JPH2: variants seen among roughly 807,000 people sequenced by gnomAD.
JPH2 encodes the protein junctophilin 2.
In JPH2, 38 loss-of-function variants were observed where a neutral mutation model predicts 55.9. That is an observed-to-expected ratio of 0.68 (90% confidence interval 0.52 to 0.89). JPH2 has a LOEUF of 0.89. Among genes scored for constraint, JPH2 ranks in the 40% least tolerant of loss-of-function variants. JPH2 has a pLI of 0.00. For synonymous variants in JPH2, 480 were observed against 472.4 expected, an observed-to-expected ratio of 1.02 and a Z score of -0.21; for missense variants, 964 against 1,037.6, an observed-to-expected ratio of 0.93 and a Z score of 0.97.
chr20:44,131,633 G>T (rs972191999), intron 2 of JPH2, among the ~76,000 whole-genome samples: 3 of 152,176 alleles, frequency 2.0e-5, no homozygotes, highest in Middle Eastern at 3.2e-3. Flanking sequence ...CGAAGGGTTA[G>T]CTGTTCCTGC....
rs796524844 is a variant in JPH2 at position 44,126,188 on chromosome 20, A to AAGGAAGGG, written c.1170-7566_1170-7565insCCCTTCCT. ...GGAGGGAGGAAGGAAGGAAGGAAGG[A>AAGGAAGGG]AGGGAGGAAGGAAGGAAGAAGGGGG... On this transcript the variant is annotated intron_variant, in intron 2 of 5. Coordinates refer to ENST00000372980, the MANE Select transcript of JPH2 (RefSeq NM_020433.5). 2.8e-3 allele frequency among the ~76,000 whole-genome samples: 271 copies of AAGGAAGGG among 95,722 alleles called. 2 individuals are homozygous for AAGGAAGGG. The highest frequency in any genetic ancestry group is 0.01 in the African/African-American group (254 of 24,722). The allele number at this position is 95,722 out of a possible 152,430, so 62.8% of individuals were successfully genotyped here.
chr20:44,173,778 G>T (rs57397839), intron 1 of JPH2, among the ~76,000 whole-genome samples: 1 of 152,134 alleles, frequency 6.6e-6, no homozygotes, highest in South Asian at 2.1e-4. Flanking sequence ...GCCTGGCGTG[G>T]TGGCGCATGC....
Position 44,107,267 on chromosome 20 carries a change from C to T in JPH2, c.*6251G>A, listed in dbSNP as rs11696553. Among the ~76,000 whole-genome samples, 10,516 of 152,188 alleles carry T rather than the reference C, an allele frequency of 0.069. 540 individuals are homozygous for T. Among genetic ancestry groups the T allele is most frequent in the African/African-American group, 0.15 (6,039 of 41,478 alleles). On this transcript the variant is annotated 3_prime_UTR_variant, in exon 6 of 6. Coordinates refer to ENST00000372980, the MANE Select transcript of JPH2 (RefSeq NM_020433.5). ...CATATCCATTTCCTCAATAAGCACT[C>T]ACTGAATGTCTACTCTGCCCCGAGA...
At chr20:44,185,124 C>T (rs1260877562) in intron 1 of JPH2, among the ~76,000 whole-genome samples, 1 of 151,814 alleles carries the variant, frequency 6.6e-6, no homozygotes, top group African/African-American at 2.4e-5. Flanking sequence ...CATAGTAAGA[C>T]CCCATCTCTA....
At chr20:44,166,937 A>C (rs938410567) in intron 1 of JPH2, among the ~76,000 whole-genome samples, 27 of 152,176 alleles carry the variant, frequency 1.8e-4, no homozygotes, top group Non-Finnish European at 5.9e-5. Context: ...AAAACCTGGC[A>C]GGGGCCGCCC....
chr20:44,185,963 T>C (rs943838037), intron 1 of JPH2, among the ~76,000 whole-genome samples: 2 of 152,166 alleles, frequency 1.3e-5, no homozygotes, highest in Admixed American at 6.5e-5. Flanking sequence ...ATAATTTTCA[T>C]GGCAAAGTTA....
At position 44,184,789 on chromosome 20, in the gene JPH2, G is replaced by A. The variant is rs531671165; in HGVS notation, c.379+1538C>T. Among the ~76,000 whole-genome samples the A allele has an allele frequency of 1.2e-4, 19 of 152,192 alleles. 1 individual carries two copies. In the South Asian group the frequency reaches 3.5e-3, roughly 28 times the overall value. ...CTGCCCCATGCCCACCCTCACAAAC[G>A]TAACTGTCCTGTCGAGACCAAGCTC... On this transcript the variant is annotated intron_variant, in intron 1 of 5. Transcript: ENST00000372980.
At chr20:44,144,678 T>C (rs999480669) in intron 2 of JPH2, among the ~76,000 whole-genome samples, 2 of 152,200 alleles carry the variant, frequency 1.3e-5, no homozygotes, top group African/African-American at 2.4e-5. Flanking sequence ...TGGTGGAGTC[T>C]GGCTCAGAGA....
At chr20:44,125,452 G>A (rs1040158686) in intron 2 of JPH2, among the ~76,000 whole-genome samples, 3 of 152,192 alleles carry the variant, frequency 2.0e-5, no homozygotes, top group Admixed American at 6.5e-5. Flanking sequence ...CAGAGAGCTG[G>A]AGGCACGTTC....
At chr20:44,175,442 G>A (rs2072726588) in intron 1 of JPH2, among the ~76,000 whole-genome samples, 1 of 152,206 alleles carries the variant, frequency 6.6e-6, no homozygotes, top group Non-Finnish European at 1.5e-5. Flanking sequence ...ACAATCCCAA[G>A]GCCTTGCTCT....
Position 44,126,208 on chromosome 20 carries a change from AG to A in JPH2, c.1170-7586del, listed in dbSNP as rs368251472. On this transcript the variant is annotated intron_variant, in intron 2 of 5. Coordinates refer to ENST00000372980, the MANE Select transcript of JPH2 (RefSeq NM_020433.5). Reference sequence around the variant, plus strand: ...GAAGGAAGGGAGGAAGGAAGGAAGAAGGGGGGGAGGGGGCACAGTGTTTTGA... The same window carrying A: ...GAAGGAAGGGAGGAAGGAAGGAAGAAGGGGGGAGGGGGCACAGTGTTTTGA... Among the ~76,000 whole-genome samples the A allele has an allele frequency of 8.4e-3, 414 of 49,472 alleles. 5 individuals carry two copies. Among genetic ancestry groups the A allele is most frequent in the African/African-American group, 0.03 (392 of 12,966 alleles). The allele number at this position is 49,472 out of a possible 152,430, so 32.5% of individuals were successfully genotyped here. A position where few individuals can be genotyped will look rare whatever the true frequency, so the allele number is the denominator to read the frequency against.
chr20:44,163,908 C>A lies in JPH2; in HGVS notation c.380-3501G>T, dbSNP rs116711075. Among the ~76,000 whole-genome samples the A allele has an allele frequency of 9.0e-3, 1,372 of 152,212 alleles. 25 individuals carry two copies. The highest frequency in any genetic ancestry group is 0.031 in the African/African-American group (1,286 of 41,526). On this transcript the variant is annotated intron_variant, in intron 1 of 5. Coordinates refer to ENST00000372980, the MANE Select transcript of JPH2 (RefSeq NM_020433.5). ...GGGCTCTGTTCCCTTCAATGACCAG[C>A]CTCAAAAAACCAAGGATCATGGAAT...
chr20:44,167,104 G>A (rs1021991253), intron 1 of JPH2, among the ~76,000 whole-genome samples: 6 of 152,190 alleles, frequency 3.9e-5, no homozygotes, highest in African/African-American at 1.2e-4. Context: ...TGGCTTAAAC[G>A]TGATTTCATC....
At chr20:44,158,274 A>G (rs892570944) in intron 2 of JPH2, among the ~76,000 whole-genome samples, 2 of 152,226 alleles carry the variant, frequency 1.3e-5, no homozygotes, top group Non-Finnish European at 2.9e-5. Flanking sequence ...CAAAGGAACC[A>G]GTATGAACAA....
chr20:44,144,163 C>G (rs1232136635), intron 2 of JPH2, among the ~76,000 whole-genome samples: 1 of 152,134 alleles, frequency 6.6e-6, no homozygotes, highest in Non-Finnish European at 1.5e-5. Context: ...AACTCCACTC[C>G]CAATGGCAGG....
intron 1 of JPH2, among the ~76,000 whole-genome samples, chr20:44,183,412 G>C (rs961839752): frequency 1.3e-5 from 2 of 152,230 alleles, no homozygotes; most frequent in Admixed American, 6.5e-5. Flanking sequence ...AGCAGCCATA[G>C]GCACCTGCAC....
At chr20:44,128,949 C>T (rs1384924193) in intron 2 of JPH2, among the ~76,000 whole-genome samples, 31 of 152,096 alleles carry the variant, frequency 2.0e-4, no homozygotes, top group Admixed American at 1.8e-3. Context: ...ATCTGTAAAA[C>T]GAGGTTATGA....
chr20:44,174,582 T>C (rs2145892028), intron 1 of JPH2, among the ~76,000 whole-genome samples: 1 of 152,338 alleles, frequency 6.6e-6, no homozygotes, highest in Non-Finnish European at 1.5e-5. Context: ...GCGACCAGCC[T>C]GTCCAACATG....
chr20:44,183,532 C>A (rs938663127), intron 1 of JPH2, among the ~76,000 whole-genome samples: 5 of 152,252 alleles, frequency 3.3e-5, no homozygotes, highest in African/African-American at 1.2e-4. Context: ...TCTGAGGCTG[C>A]TCTCAACATG....
Sources: gnomAD v4.1 joint callset for allele counts (sites outside exome capture counted in the v4.1 genomes callset) on GRCh38, gnomAD v4.1.1 for gene constraint, MANE v1.5 for transcripts, NCBI Gene and HGNC (gene_info 2026-07-23, HGNC 2026-07-21) for gene names.